HSPA14: variants seen among roughly 807,000 people sequenced by gnomAD.
The protein encoded by HSPA14 is heat shock protein family A (Hsp70) member 14, also known as heat shock 70 kDa protein 14.
HSPA14 carries 37 observed loss-of-function variants against 65.5 expected under a neutral mutation model. The ratio of observed to expected loss-of-function variants is 0.56; its 90% confidence interval spans 0.43 to 0.74. HSPA14 has a LOEUF of 0.74. Among genes scored for constraint, HSPA14 ranks in the 30% least tolerant of loss-of-function variants. The pLI, the probability that HSPA14 is intolerant of heterozygous loss-of-function variation, is 0.00. For missense variants in HSPA14, 564 were observed against 607.6 expected (o/e 0.93, Z 0.75); for synonymous variants, 203 against 214.2 (o/e 0.95, Z 0.46).
chr10:14,857,178 G>A (rs573303336), intron 10 of HSPA14, among the ~76,000 whole-genome samples: 2 of 152,138 alleles, frequency 1.3e-5, no homozygotes, highest in South Asian at 2.1e-4. Context: ...GTTTTTCACT[G>A]TGGTCCTGTT....
At chr10:14,869,522 T>A (rs1832836722) in intron 12 of HSPA14, among the ~76,000 whole-genome samples, 1 of 152,080 alleles carries the variant, frequency 6.6e-6, no homozygotes, top group African/African-American at 2.4e-5. Flanking sequence ...CTCAAACTCC[T>A]GACCTCAGGT....
intron 3 of HSPA14, chr10:14,846,519 CAG>C (rs1834055683): frequency 9.1e-6 from 9 of 985,294 alleles, no homozygotes; most frequent in Non-Finnish European, 1.1e-5. Context: ...TACAGGGAGA[CAG>C]TGTGCAAGAA....
chr10:14,859,835 C>CATTA, intron 10 of HSPA14, among the ~76,000 whole-genome samples: 2 of 152,266 alleles, frequency 1.3e-5, no homozygotes, highest in African/African-American at 4.8e-5. Context: ...TAATTGTTAA[C>CATTA]ATTGCAATTT....
At chr10:14,868,220 C>T (rs974341042) in intron 12 of HSPA14, among the ~76,000 whole-genome samples, 1 of 152,116 alleles carries the variant, frequency 6.6e-6, no homozygotes, top group African/African-American at 2.4e-5. Flanking sequence ...GCTAAATGCA[C>T]ATTATTGTGT....
At chr10:14,868,890 A>G (rs574452198) in intron 12 of HSPA14, among the ~76,000 whole-genome samples, 188 of 152,306 alleles carry the variant, frequency 1.2e-3, no homozygotes, top group Non-Finnish European at 2.5e-3. Flanking sequence ...TCTCTTGCCC[A>G]GGCCAGAGTG....
intron 3 of HSPA14, chr10:14,845,655 G>A: frequency 4.1e-6 from 2 of 490,232 alleles, no homozygotes; most frequent in South Asian, 8.7e-5. Flanking sequence ...GTGCAGTGGT[G>A]CAATCTTGGC....
At chr10:14,853,719 T>C (rs1277373733) in intron 8 of HSPA14, among the ~76,000 whole-genome samples, 2 of 151,952 alleles carry the variant, frequency 1.3e-5, no homozygotes, top group Non-Finnish European at 2.9e-5. Flanking sequence ...TAATTTATTT[T>C]ATTTATTTAT....
At chr10:14,851,032 CAGAAAGTGATCTCTTATAGT>C in intron 6 of HSPA14, 167 bp from the exon 7 acceptor site, 1 of 476,618 alleles carries the variant, frequency 2.1e-6, no homozygotes, top group Non-Finnish European at 3.7e-6. Flanking sequence ...CAATTTTAAA[CAGAAAGTGATCTCTTATAGT>C]CATTCATTTC....
intron 3 of HSPA14, chr10:14,844,772 C>G: frequency 1.0e-6 from 1 of 983,876 alleles, no homozygotes; most frequent in Non-Finnish European, 1.2e-6. Context: ...CCTTTATATG[C>G]CTAAATTACA....
chr10:14,858,630 C>T (rs762789301), intron 10 of HSPA14, among the ~76,000 whole-genome samples: 8 of 152,172 alleles, frequency 5.3e-5, no homozygotes, highest in Non-Finnish European at 1.2e-4. Flanking sequence ...CATTCACATT[C>T]AGTGTCACAG....
At chr10:14,855,177 A>G (rs1834137189) in intron 9 of HSPA14, among the ~76,000 whole-genome samples, 1 of 152,192 alleles carries the variant, frequency 6.6e-6, no homozygotes, top group African/African-American at 2.4e-5. Context: ...CCTTTGTCAC[A>G]AAGATTTCAA....
At chr10:14,843,435 C>T in intron 3 of HSPA14, 1 of 1,550,838 alleles carries the variant, frequency 6.4e-7, no homozygotes, top group Non-Finnish European at 8.7e-7. Flanking sequence ...CAGTTGCTCC[C>T]TGTCAGAGCA....
intron 3 of HSPA14, chr10:14,843,295 C>T: frequency 6.6e-6 from 10 of 1,522,654 alleles, no homozygotes; most frequent in Non-Finnish European, 8.0e-6. Flanking sequence ...TATAATTTGT[C>T]TCAGCTCTGC....
At chr10:14,855,566 A>G (rs1455704431) in intron 9 of HSPA14, among the ~76,000 whole-genome samples, 3 of 152,198 alleles carry the variant, frequency 2.0e-5, no homozygotes, top group Admixed American at 6.5e-5. Flanking sequence ...TAAGTAGACC[A>G]TAAGCAAGAT....
At chr10:14,845,773 G>A (rs1461890445) in intron 3 of HSPA14, 5 of 173,158 alleles carry the variant, frequency 2.9e-5, no homozygotes, top group African/African-American at 1.2e-4. Context: ...TGTTGGCCAG[G>A]CTAGTCTTGA....
At chr10:14,867,648 G>C in intron 11 of HSPA14, 88 bp from the exon 12 acceptor site, 1 of 1,131,074 alleles carries the variant, frequency 8.8e-7, no homozygotes, top group Non-Finnish European at 1.3e-6. Flanking sequence ...TTATCAATAA[G>C]GAATATATAT....
chr10:14,846,241 A>G, intron 3 of HSPA14: 2 of 985,322 alleles, frequency 2.0e-6, no homozygotes, highest in Non-Finnish European at 2.4e-6. Flanking sequence ...GTAGGTAGGT[A>G]GGTAGATTTT....
In HSPA14 at chr10:14,870,652, T is replaced by C; in HGVS notation, c.1436T>C (p.Val479Ala). 3 of 1,575,280 alleles carry C rather than the reference T, an allele frequency of 1.9e-6. No homozygotes were observed. Among genetic ancestry groups the C allele is most frequent in the Non-Finnish European group, 2.6e-6 (3 of 1,154,412 alleles). ...KENGLRDILA[V>A]LTMKRDGSLH... ...AATGGATTACGTGATATATTAGCTG[T>C]TCTTACTATGAAAAGGTAAAAAATT... Residue 479 changes from valine to alanine, a missense_variant, in exon 13 of 14, where the codon GTT (valine) becomes GCT (alanine). By Grantham distance (64) the Val-to-Ala change is moderately conservative (BLOSUM62 0). Coordinates refer to ENST00000378372, the MANE Select transcript of HSPA14 (RefSeq NM_016299.4).
chr10:14,838,440 C>A lies in HSPA14; in HGVS notation c.38C>A (p.Ala13Asp). 1 of 1,606,156 alleles carries A rather than the reference C, an allele frequency of 6.2e-7. No homozygotes were observed. Among genetic ancestry groups the A allele is most frequent in the Non-Finnish European group, 8.5e-7 (1 of 1,178,370 alleles). ...GGAGTTCACCTGGGCTGCACCTCAG[C>A]CTGTGTGGCCGTCTATAAGGTGAGG... ...AIGVHLGCTSACVAVYKDGRA... is the reference protein window; with the variant it reads ...AIGVHLGCTSDCVAVYKDGRA... Residue 13 changes from alanine to aspartate, a missense_variant, in exon 1 of 14, where the codon GCC (alanine) becomes GAC (aspartate). Physicochemically the swap from Ala to Asp is moderately radical, Grantham distance 126 (BLOSUM62 -2). Transcript: ENST00000378372.
Sources: allele counts gnomAD v4.1 joint callset (sites outside exome capture counted in the v4.1 genomes callset), GRCh38; gene constraint gnomAD v4.1.1; transcripts MANE v1.5; gene names NCBI Gene and HGNC (gene_info 2026-07-23, HGNC 2026-07-21).